The following CHSY1 variants were observed in gnomAD, a reference collection of about 807,000 sequenced individuals.
The protein encoded by CHSY1 is N-acetylgalactosaminyl-proteoglycan 3-beta-glucuronosyltransferase 1.
A neutral mutation model predicts 59.8 loss-of-function variants in CHSY1; 13 were observed. The ratio of observed to expected loss-of-function variants is 0.22; its 90% CI spans 0.14 to 0.35. CHSY1 has a LOEUF of 0.35. Among genes scored for constraint, CHSY1 ranks in the 10% least tolerant of loss-of-function variants. CHSY1 has a pLI of 1.00. For synonymous variants in CHSY1, 459 were observed against 401.2 expected, an observed-to-expected ratio of 1.14 and a Z score of -1.72; for missense variants, 947 against 1,030.6, an observed-to-expected ratio of 0.92 and a Z score of 1.11.
Position 101,251,499 on chromosome 15 carries a change from C to G in CHSY1, c.-43G>C. 1 of 634,290 alleles carries G rather than the reference C, an allele frequency of 1.6e-6. No homozygotes were observed. Among genetic ancestry groups the G allele is most frequent in the Non-Finnish European group, 2.0e-6 (1 of 511,732 alleles). 39.3% of individuals were successfully genotyped at this position (634,290 alleles called of 1,614,324 possible). On this transcript the variant is annotated 5_prime_UTR_variant, in exon 1 of 3. Transcript: ENST00000254190. ...CGCCGGGCCGCCGCCGCAGGCTCCG[C>G]GCGCCCTCAGCCCGCTGCCCCCGCC...
At chr15:101,230,090 C>T (rs1043186669) in intron 2 of CHSY1, among the ~76,000 whole-genome samples, 8 of 151,756 alleles carry the variant, frequency 5.3e-5, no homozygotes, top group African/African-American at 1.2e-4. Flanking sequence ...TACAGGCGCC[C>T]GCCACCATGC....
At chr15:101,187,922 T>A in intron 2 of CHSY1, 1 of 586,180 alleles carries the variant, frequency 1.7e-6, no homozygotes. Context: ...GGTCACGCTA[T>A]TCCCAGGAAC....
At chr15:101,229,642 C>G (rs2038873484) in intron 2 of CHSY1, among the ~76,000 whole-genome samples, 3 of 152,174 alleles carry the variant, frequency 2.0e-5, no homozygotes, top group Admixed American at 1.3e-4. Context: ...TACAGTGGCT[C>G]ACACTTGTGA....
intron 2 of CHSY1, among the ~76,000 whole-genome samples, chr15:101,225,924 ACCT>A (rs1167783747): frequency 6.6e-6 from 1 of 152,004 alleles, no homozygotes; most frequent in Non-Finnish European, 1.5e-5. Flanking sequence ...TGTCGATCCC[ACCT>A]CCTGAGAGTG....
At chr15:101,219,796 C>T (rs1185574581) in intron 2 of CHSY1, among the ~76,000 whole-genome samples, 3 of 152,208 alleles carry the variant, frequency 2.0e-5, no homozygotes, top group Non-Finnish European at 4.4e-5. Context: ...GATGGAGTTT[C>T]GCTCGTTTTG....
chr15:101,179,319 G>A (rs910041176), intron 2 of CHSY1, among the ~76,000 whole-genome samples: 2 of 152,186 alleles, frequency 1.3e-5, no homozygotes, highest in Non-Finnish European at 2.9e-5. Context: ...GTCCCACTAC[G>A]CCTGTGAAAG....
intron 2 of CHSY1, among the ~76,000 whole-genome samples, chr15:101,212,270 A>G (rs1294436858): frequency 6.6e-6 from 1 of 152,226 alleles, no homozygotes; most frequent in Non-Finnish European, 1.5e-5. Context: ...TTCTTATGAA[A>G]TTAAGTATAT....
At position 101,211,748 on chromosome 15, in the gene CHSY1, T is replaced by C. The variant is rs144633699; in HGVS notation, c.816+23334A>G. Among the ~76,000 whole-genome samples the C allele has an allele frequency of 1.3e-3, 202 of 152,022 alleles. 1 individual carries two copies. The highest frequency in any genetic ancestry group is 4.8e-3 in the African/African-American group (198 of 41,466). On this transcript the variant is annotated intron_variant, in intron 2 of 2. Coordinates refer to ENST00000254190, the MANE Select transcript of CHSY1 (RefSeq NM_014918.5). ...AATAATCCTAAATACAGAGAAAAGA[T>C]AAAATACCTTCAAAGAAAAAACAAT...
intron 2 of CHSY1, among the ~76,000 whole-genome samples, chr15:101,185,887 T>C (rs1328142589): frequency 6.6e-6 from 1 of 151,894 alleles, no homozygotes; most frequent in Non-Finnish European, 1.5e-5. Flanking sequence ...ATTAAGCGTT[T>C]AACGCCTACA....
chr15:101,250,247 CAG>C (rs1449956074), intron 1 of CHSY1, among the ~76,000 whole-genome samples: 1 of 152,214 alleles, frequency 6.6e-6, no homozygotes, highest in East Asian at 1.9e-4. Flanking sequence ...TTTATCCATA[CAG>C]TAAGTGTCTC....
intron 2 of CHSY1, among the ~76,000 whole-genome samples, chr15:101,218,124 C>T (rs1271299368): frequency 6.6e-6 from 1 of 152,154 alleles, no homozygotes; most frequent in African/African-American, 2.4e-5. Flanking sequence ...TTACAAAATA[C>T]CTGACTAGCA....
intron 2 of CHSY1, among the ~76,000 whole-genome samples, chr15:101,232,004 T>C (rs1006814082): frequency 2.0e-5 from 3 of 152,208 alleles, no homozygotes; most frequent in African/African-American, 4.8e-5. Context: ...TTAACATTAT[T>C]TCCAAACAAA....
intron 2 of CHSY1, among the ~76,000 whole-genome samples, chr15:101,215,494 G>A (rs1442293652): frequency 6.6e-6 from 1 of 152,186 alleles, no homozygotes; most frequent in Non-Finnish European, 1.5e-5. Flanking sequence ...CAGCATCTGA[G>A]GAGGCCAATG....
At chr15:101,192,053 A>T (rs180750627) in intron 2 of CHSY1, among the ~76,000 whole-genome samples, 55 of 152,360 alleles carry the variant, frequency 3.6e-4, no homozygotes, top group Middle Eastern at 3.4e-3. Context: ...TAAACTAAAA[A>T]GCCCTATACA....
At chr15:101,239,333 G>A (rs114918728) in intron 1 of CHSY1, among the ~76,000 whole-genome samples, 300 of 152,310 alleles carry the variant, frequency 2.0e-3, no homozygotes, top group African/African-American at 6.9e-3. Flanking sequence ...CTAAAACACT[G>A]TAATGTTATT....
chr15:101,188,228 T>C (rs1216995605), intron 2 of CHSY1: 1 of 982,162 alleles, frequency 1.0e-6, no homozygotes, highest in Non-Finnish European at 1.2e-6. Context: ...TCCTGAAAAG[T>C]GGTTCAAAGA....
chr15:101,222,263 G>C (rs1396515741), intron 2 of CHSY1, among the ~76,000 whole-genome samples: 2 of 152,190 alleles, frequency 1.3e-5, no homozygotes, highest in Non-Finnish European at 2.9e-5. Flanking sequence ...CCTTGGCATG[G>C]AGAAGCCATC....
rs1317194765 is a variant in CHSY1 at position 101,202,464 on chromosome 15, G to A, written c.817-23484C>T. 5.6e-5 allele frequency among the ~76,000 whole-genome samples: 4 copies of A among 70,828 alleles called. 1 individual carries two copies. The highest frequency in any genetic ancestry group is 7.3e-5 in the Non-Finnish European group (3 of 40,852). 46.5% of individuals were successfully genotyped at this position (70,828 alleles called of 152,430 possible). On this transcript the variant is annotated intron_variant, in intron 2 of 2. Transcript: ENST00000254190. Reference sequence around the variant, plus strand: ...CAGAGGCTGCAGGGAAGGATGGAGCGCATTTCTGCAGGAGGGGCAGTGGGA... The same window carrying A: ...CAGAGGCTGCAGGGAAGGATGGAGCACATTTCTGCAGGAGGGGCAGTGGGA...
Position 101,176,722 on chromosome 15 carries a change from G to GAC in CHSY1, c.*665_*666insGT, listed in dbSNP as rs1196731076. The GAC allele has an allele frequency of 8.2e-6, 2 of 243,474 alleles. No homozygotes were observed. The highest frequency in any genetic ancestry group is 4.5e-5 in the African/African-American group (2 of 44,906). 15.1% of individuals were successfully genotyped at this position (243,474 alleles called of 1,614,324 possible). On this transcript the variant is annotated 3_prime_UTR_variant, in exon 3 of 3. Coordinates refer to ENST00000254190, the MANE Select transcript of CHSY1 (RefSeq NM_014918.5). ...AAGGCAGGGGAATTGCTTGAACCAG[G>GAC]GAAGTGGAGGTTAAAGTGAGCCAAG... is the stretch of plus-strand genomic sequence containing the variant.
Sources: gnomAD v4.1 joint callset for allele counts (sites outside exome capture counted in the v4.1 genomes callset) on GRCh38, gnomAD v4.1.1 for gene constraint, MANE v1.5 for transcripts, NCBI Gene and HGNC (gene_info 2026-07-23, HGNC 2026-07-21) for gene names.